MSH3: variants seen among roughly 807,000 people sequenced by gnomAD.
The protein encoded by MSH3 is mutS homolog 3.
In MSH3, 106 loss-of-function variants were observed where a neutral mutation model predicts 123.3. The observed-to-expected ratio is 0.86, with a 90% CI of 0.73 to 1.01. The LOEUF is 1.01. Ranked by LOEUF, MSH3 falls within the 50% of genes least tolerant of loss-of-function variation. The pLI is 0.00. For missense variants in MSH3, 1,459 were observed against 1,347.6 expected, an observed-to-expected ratio of 1.08 and a Z score of -1.29; for synonymous variants, 515 against 481.4, an observed-to-expected ratio of 1.07 and a Z score of -0.91.
At chr5:80,792,176 C>T (rs868700922) in intron 18 of MSH3, among the ~76,000 whole-genome samples, 2 of 151,978 alleles carry the variant, frequency 1.3e-5, no homozygotes, top group South Asian at 2.1e-4. Flanking sequence ...AAATAAGTAG[C>T]AATAATCTGA....
At chr5:80,794,315 T>C (rs1744660678) in intron 19 of MSH3, among the ~76,000 whole-genome samples, 3 of 152,174 alleles carry the variant, frequency 2.0e-5, no homozygotes, top group Non-Finnish European at 4.4e-5. Flanking sequence ...GCTGGGGTCA[T>C]CCTAAGGATG....
At chr5:80,698,718 C>T (rs1385092578) in intron 8 of MSH3, among the ~76,000 whole-genome samples, 9 of 151,532 alleles carry the variant, frequency 5.9e-5, no homozygotes, top group South Asian at 2.1e-4. Flanking sequence ...AACCAAACAC[C>T]GCATGTTCTC....
intron 20 of MSH3, among the ~76,000 whole-genome samples, chr5:80,834,661 T>G (rs114594453): frequency 0.017 from 2,458 of 148,252 alleles, 67 homozygotes; most frequent in African/African-American, 0.058. Flanking sequence ...AAAATATATA[T>G]AAATATAAAA....
At chr5:80,719,147 A>G (rs1751024928) in intron 8 of MSH3, among the ~76,000 whole-genome samples, 1 of 151,690 alleles carries the variant, frequency 6.6e-6, no homozygotes, top group Non-Finnish European at 1.5e-5. Context: ...TCCCAGGTTC[A>G]AGCGATTCTC....
At chr5:80,715,914 A>G (rs1750950623) in intron 8 of MSH3, among the ~76,000 whole-genome samples, 1 of 152,068 alleles carries the variant, frequency 6.6e-6, no homozygotes, top group East Asian at 1.9e-4. Context: ...CAGGGACACA[A>G]ATTCCAACCA....
intron 3 of MSH3, among the ~76,000 whole-genome samples, chr5:80,666,499 C>G (rs1381434447): frequency 1.3e-5 from 2 of 152,132 alleles, no homozygotes; most frequent in Admixed American, 6.5e-5. Flanking sequence ...TTTTTAGTCT[C>G]TTTTAATACT....
At chr5:80,770,814 C>G (rs1425927399) in intron 15 of MSH3, among the ~76,000 whole-genome samples, 1 of 152,110 alleles carries the variant, frequency 6.6e-6, no homozygotes, top group African/African-American at 2.4e-5. Context: ...GAAAGACGGT[C>G]CTGGATTCAT....
rs867690533 is a variant in MSH3, at chr5:80,730,892, A to T, written c.1568+1927A>T. ...GTGTCCTCCTCATATATATATATATATATTTTTTTTTTTTTCTTTTTTTTT... is the reference window on the plus strand; with the variant it reads ...GTGTCCTCCTCATATATATATATATTTATTTTTTTTTTTTTCTTTTTTTTT... On this transcript the variant is annotated intron_variant, in intron 10 of 23. Transcript: ENST00000265081. Among the ~76,000 whole-genome samples, 581 of 105,444 alleles carry T rather than the reference A, an allele frequency of 5.5e-3. 8 individuals carry two copies. Among genetic ancestry groups the T allele is most frequent in the Admixed American group, 0.017 (181 of 10,670 alleles). 69.2% of individuals were successfully genotyped at this position (105,444 alleles called of 152,430 possible).
chr5:80,760,397 T>G (rs1239807616), intron 12 of MSH3, among the ~76,000 whole-genome samples: 1 of 152,212 alleles, frequency 6.6e-6, no homozygotes, highest in Non-Finnish European at 1.5e-5. Context: ...GATTTCCGTT[T>G]TAAGTTGAGT....
At chr5:80,752,354 G>T (rs571716437) in intron 12 of MSH3, among the ~76,000 whole-genome samples, 2 of 151,994 alleles carry the variant, frequency 1.3e-5, no homozygotes, top group Non-Finnish European at 2.9e-5. Context: ...TGTCAGTCTA[G>T]TGAACTAATC....
intron 1 of MSH3, chr5:80,655,363 G>C (rs750007031): frequency 8.5e-6 from 2 of 235,728 alleles, no homozygotes; most frequent in Non-Finnish European, 1.7e-5. Flanking sequence ...GAAGAAAGCT[G>C]CCCTTAGGTC....
At chr5:80,682,329 G>T (rs1240607667) in intron 8 of MSH3, among the ~76,000 whole-genome samples, 2 of 152,126 alleles carry the variant, frequency 1.3e-5, no homozygotes, top group African/African-American at 4.8e-5. Context: ...TGGGGTTGTT[G>T]TGAGGATTAA....
In MSH3 at chr5:80,682,029, T is replaced by C. The variant is rs558206888; in HGVS notation, c.1340+2936T>C. Among the ~76,000 whole-genome samples the C allele has an allele frequency of 1.7e-3, 261 of 152,368 alleles. 2 individuals are homozygous for C. The highest frequency in any genetic ancestry group is 6.0e-3 in the African/African-American group (248 of 41,584). ...TGACCGTGTGTAATTTTTCAATCTT[T>C]GCACTTTTTTTTGTATCCTTTGATC... is the stretch of plus-strand genomic sequence containing the variant. On this transcript the variant is annotated intron_variant, in intron 8 of 23. Coordinates refer to ENST00000265081, the MANE Select transcript of MSH3 (RefSeq NM_002439.5).
At chr5:80,792,620 G>A in intron 18 of MSH3, 113 bp from the exon 19 acceptor site, 4 of 675,036 alleles carry the variant, frequency 5.9e-6, no homozygotes, top group Non-Finnish European at 8.0e-6. Context: ...TATGTTTAAA[G>A]TTTTGTTTTC....
At position 80,692,653 on chromosome 5, in the gene MSH3, T is replaced by TGA. The variant is rs1377170769; in HGVS notation, c.1340+13560_1340+13561insGA. On this transcript the variant is annotated intron_variant, in intron 8 of 23. Coordinates refer to ENST00000265081, the MANE Select transcript of MSH3 (RefSeq NM_002439.5). ...ATATGTTTATATATGTTTATATAGA[T>TGA]ATATATATACACATGTATATGTTTA... 9.3e-4 allele frequency among the ~76,000 whole-genome samples: 127 copies of TGA among 136,886 alleles called. 1 individual carries two copies. Among genetic ancestry groups the TGA allele is most frequent in the Admixed American group, 1.5e-3 (21 of 13,728 alleles). 89.8% of individuals were successfully genotyped at this position (136,886 alleles called of 152,430 possible).
chr5:80,736,816 C>T (rs1449502356), intron 10 of MSH3, among the ~76,000 whole-genome samples: 2 of 152,184 alleles, frequency 1.3e-5, no homozygotes, highest in Non-Finnish European at 2.9e-5. Flanking sequence ...TTAAGTGCAT[C>T]CTGTGTGACT....
intron 8 of MSH3, among the ~76,000 whole-genome samples, chr5:80,685,725 C>T (rs1650749): frequency 0.25 from 38,259 of 151,686 alleles, 4,929 homozygotes; most frequent in Middle Eastern, 0.32. Context: ...TTTTCTAGTT[C>T]TTCAAGGTTT....
chr5:80,834,124 A>G (rs1402257599), intron 20 of MSH3, among the ~76,000 whole-genome samples: 4 of 152,244 alleles, frequency 2.6e-5, no homozygotes, highest in East Asian at 3.9e-4. Flanking sequence ...TGCTACTTCC[A>G]TTGGTACTAC....
chr5:80,815,122 C>T (rs886855299), intron 20 of MSH3, among the ~76,000 whole-genome samples: 1 of 152,102 alleles, frequency 6.6e-6, no homozygotes, highest in Non-Finnish European at 1.5e-5. Flanking sequence ...CTTGAGTAGA[C>T]ACTAAAATGC....
Sources: gnomAD v4.1 joint callset for allele counts (sites outside exome capture counted in the v4.1 genomes callset) on GRCh38, gnomAD v4.1.1 for gene constraint, MANE v1.5 for transcripts, NCBI Gene and HGNC (gene_info 2026-07-23, HGNC 2026-07-21) for gene names.